ASPRV1: variants seen among roughly 807,000 people sequenced by gnomAD.
The protein encoded by ASPRV1 is retroviral-like aspartic protease 1.
In ASPRV1, 7 loss-of-function variants were observed where a neutral mutation model predicts 11.0. That is an observed-to-expected ratio of 0.64 (90% CI 0.36 to 1.20). The LOEUF (loss-of-function observed/expected upper bound fraction) is 1.20, where lower values mean the gene tolerates loss of function less well. Among genes scored for constraint, ASPRV1 ranks in the 50% most tolerant of loss-of-function variants. ASPRV1 has a pLI of 0.02. For missense variants in ASPRV1, 299 were observed against 320.0 expected, an observed-to-expected ratio of 0.93 and a Z score of 0.50; for synonymous variants, 136 against 138.4, an observed-to-expected ratio of 0.98 and a Z score of 0.12.
chr2:69,995,015 ATAAAT>A, the ASPRV1 span, among the ~76,000 whole-genome samples: 3 of 150,998 alleles, frequency 2.0e-5, no homozygotes, highest in African/African-American at 7.3e-5. Flanking sequence ...AAATAAATAA[ATAAAT>A]TAATTAATTA....
the ASPRV1 span, chr2:70,050,989 A>G: frequency 6.6e-6 from 1 of 152,228 alleles, no homozygotes; most frequent in Non-Finnish European, 1.5e-5. Flanking sequence ...TGATTTAAAG[A>G]AAAAATACAA....
chr2:69,961,356 G>A lies in ASPRV1; in HGVS notation c.81C>T (p.Val27=), dbSNP rs774481992. ...AGCTGTGCAGCCAGAGGTTTGGGAC[G>A]ACATTGGCCCCATCAAAAGGTTCCG... The part of the protein sequence containing the change: ...FVPEPFDGAN[V]VPNLWLHSFE... The change falls in exon 1 of 1, where the codon GTC becomes GTT. Residue 27 remains valine, a synonymous_variant. Transcript: ENST00000320256. 24 of 1,613,988 alleles carry A rather than the reference G, an allele frequency of 1.5e-5. No homozygotes were observed. Among genetic ancestry groups the A allele is most frequent in the African/African-American group, 1.1e-4 (8 of 74,908 alleles).
At chr2:70,077,004 T>C in the ASPRV1 span, among the ~76,000 whole-genome samples, 1 of 152,222 alleles carries the variant, frequency 6.6e-6, no homozygotes, top group Non-Finnish European at 1.5e-5. Context: ...ACAGTTTTCT[T>C]GTTCAAGGCC....
At chr2:70,010,391 T>C in the ASPRV1 span, among the ~76,000 whole-genome samples, 1 of 151,810 alleles carries the variant, frequency 6.6e-6, no homozygotes. Context: ...AGATAGGCAG[T>C]AGGGATTTGC....
chr2:70,070,573 G>A, the ASPRV1 span: 2 of 152,082 alleles, frequency 1.3e-5, no homozygotes, highest in African/African-American at 2.4e-5. Flanking sequence ...CAAGGCGGGC[G>A]ATCATGAGGT....
At chr2:70,006,568 A>G in the ASPRV1 span, among the ~76,000 whole-genome samples, 2 of 152,136 alleles carry the variant, frequency 1.3e-5, no homozygotes, top group African/African-American at 4.8e-5. Flanking sequence ...GAGGACACCA[A>G]GACTCATGGG....
chr2:70,042,671 C>T, the ASPRV1 span, among the ~76,000 whole-genome samples: 1 of 152,268 alleles, frequency 6.6e-6, no homozygotes, highest in Admixed American at 6.5e-5. Context: ...TCAGCAGATC[C>T]TGCTTTCCAC....
At chr2:69,936,870 T>TA in the ASPRV1 span, 4 of 425,622 alleles carry the variant, frequency 9.4e-6, no homozygotes, top group Non-Finnish European at 1.9e-5. Flanking sequence ...CAAGTGCAGT[T>TA]TTCTAGTCCG....
chr2:69,934,691 C>T, the ASPRV1 span, among the ~76,000 whole-genome samples: 6 of 152,198 alleles, frequency 3.9e-5, no homozygotes, highest in South Asian at 2.1e-4. Context: ...GCATGGTATA[C>T]TCACAGTTTG....
chr2:70,024,080 G>T, the ASPRV1 span, among the ~76,000 whole-genome samples: 1 of 130,886 alleles, frequency 7.6e-6, no homozygotes, highest in Non-Finnish European at 1.6e-5. Context: ...GCAAAATCCC[G>T]TCACTATTAA....
chr2:70,075,933 A>G, the ASPRV1 span, among the ~76,000 whole-genome samples: 3 of 152,194 alleles, frequency 2.0e-5, no homozygotes, highest in Non-Finnish European at 4.4e-5. Context: ...ATAAACAAGC[A>G]TAATAACAAG....
At chr2:69,996,719 GA>G in the ASPRV1 span, 9 of 456,604 alleles carry the variant, frequency 2.0e-5, no homozygotes, top group Non-Finnish European at 3.1e-5. Flanking sequence ...AGGGTCCAAA[GA>G]AAGCCACCAT....
the ASPRV1 span, chr2:70,050,250 A>AG: frequency 6.6e-6 from 1 of 152,198 alleles, no homozygotes; most frequent in Non-Finnish European, 1.5e-5. Context: ...ATTGCACTCC[A>AG]GCCTGAGCAA....
chr2:70,055,910 T>C, the ASPRV1 span: 1 of 152,072 alleles, frequency 6.6e-6, no homozygotes, highest in African/African-American at 2.4e-5. Context: ...AGACTCCGTC[T>C]CTACAAAAAA....
the ASPRV1 span, among the ~76,000 whole-genome samples, chr2:70,047,643 T>C: frequency 4.4e-4 from 67 of 152,184 alleles, no homozygotes; most frequent in African/African-American, 1.5e-3. Context: ...TCTCTGACAC[T>C]GCATGAAAAG....
chr2:70,038,556 G>C, the ASPRV1 span, among the ~76,000 whole-genome samples: 2 of 151,772 alleles, frequency 1.3e-5, no homozygotes, highest in African/African-American at 4.9e-5. Context: ...CTTCACTCCA[G>C]CCTTGGCAAC....
chr2:69,944,814 T>G, the ASPRV1 span, among the ~76,000 whole-genome samples: 7 of 152,106 alleles, frequency 4.6e-5, no homozygotes, highest in East Asian at 3.9e-4. Flanking sequence ...CCCCCTCCTC[T>G]ACTGCTGATC....
the ASPRV1 span, among the ~76,000 whole-genome samples, chr2:70,072,922 G>A: frequency 3.4e-5 from 5 of 148,776 alleles, no homozygotes; most frequent in Admixed American, 6.8e-5. Context: ...AAAAACAGCC[G>A]GGCATGGTGG....
chr2:69,947,413 A>T, the ASPRV1 span, among the ~76,000 whole-genome samples: 1 of 152,200 alleles, frequency 6.6e-6, no homozygotes, highest in African/African-American at 2.4e-5. Context: ...GCAACAGATC[A>T]TCTTTCTCTT....
Sources: gnomAD v4.1 joint callset for allele counts (sites outside exome capture counted in the v4.1 genomes callset) on GRCh38, gnomAD v4.1.1 for gene constraint, MANE v1.5 for transcripts, NCBI Gene and HGNC (gene_info 2026-07-23, HGNC 2026-07-21) for gene names.